The following FAT2 variants were observed in gnomAD, a reference collection of about 807,000 sequenced individuals.
FAT2 encodes protocadherin Fat 2.
FAT2 carries 150 observed loss-of-function variants against 295.3 expected under a neutral mutation model. That is an observed-to-expected ratio of 0.51 (90% CI 0.44 to 0.58). FAT2 has a LOEUF of 0.58. Among genes scored for constraint, FAT2 ranks in the 20% least tolerant of loss-of-function variants. The probability of loss-of-function intolerance (pLI) is 0.00; values close to 1 mark genes in which losing one functional copy is unlikely to be tolerated. For missense variants in FAT2, 4,868 were observed against 5,442.7 expected (o/e 0.89, Z 3.32); for synonymous variants, 2,026 against 2,150.3 (o/e 0.94, Z 1.60).
At chr5:151,525,256 C>T (rs1198225031) in intron 18 of FAT2, among the ~76,000 whole-genome samples, 1 of 152,222 alleles carries the variant, frequency 6.6e-6, no homozygotes, top group Non-Finnish European at 1.5e-5. Flanking sequence ...ATCTTGGCCA[C>T]TGTTCTTTAG....
At chr5:151,551,829 AATTG>A (rs1355522106) in intron 6 of FAT2, among the ~76,000 whole-genome samples, 2 of 152,230 alleles carry the variant, frequency 1.3e-5, no homozygotes, top group Non-Finnish European at 2.9e-5. Flanking sequence ...TAATAAATCA[AATTG>A]ATTAATAAAC....
intron 3 of FAT2, among the ~76,000 whole-genome samples, chr5:151,557,484 T>C (rs1757800774): frequency 6.6e-6 from 1 of 151,998 alleles, no homozygotes; most frequent in Non-Finnish European, 1.5e-5. Flanking sequence ...GCAAGAGCTC[T>C]AGAAAGAGAC....
intron 1 of FAT2, among the ~76,000 whole-genome samples, chr5:151,572,187 C>T (rs1758560400): frequency 6.6e-6 from 1 of 152,142 alleles, no homozygotes; most frequent in African/African-American, 2.4e-5. Context: ...TCTTCTTGGA[C>T]TCCATGAAGA....
At chr5:151,520,780 CTT>C (rs1466952763) in intron 19 of FAT2, among the ~76,000 whole-genome samples, 3 of 152,188 alleles carry the variant, frequency 2.0e-5, no homozygotes, top group East Asian at 1.9e-4. Context: ...GAGTCTAAGC[CTT>C]GAGCTTATAA....
rs200006738 is a variant in FAT2 at position 151,531,776 on chromosome 5, C to T, written c.9622G>A (p.Val3208Met). The T allele has an allele frequency of 2.5e-6, 4 of 1,612,584 alleles. No individual in the cohort carries two copies. Among genetic ancestry groups the T allele is most frequent in the Middle Eastern group, 1.7e-4 (1 of 6,060 alleles). The stretch of plus-strand genomic sequence containing the variant: ...GGCAGGTAGTCTTCTAGGCCCACCA[C>T]CGAGACTGTGACGGTGCCCAGCGTG... ...LSTLGTVTVS[V>M]VGLEDYLPVF... is the part of the protein sequence containing the mutation. Residue 3208 changes from valine (V) to methionine (M), a missense_variant, in exon 14 of 24, where the codon GTG (valine) becomes ATG (methionine). Physicochemically the swap from Val to Met is conservative, Grantham distance 21. Transcript: ENST00000261800. The surrounding 1 kb of genome is among the most constrained non-coding windows in gnomAD (Gnocchi z 5.7).
chr5:151,568,995 A>G (rs1758417433), intron 1 of FAT2, 44 bp from the exon 2 acceptor site: 3 of 1,514,156 alleles, frequency 2.0e-6, no homozygotes, highest in Admixed American at 2.2e-5. Flanking sequence ...GGGGGAAAAA[A>G]TGGTTTCTAC....
rs765995818 is a variant in FAT2, at chr5:151,534,575, C to T, written c.9261G>A (p.Ala3087=). Residue 3087 remains alanine (A), a synonymous_variant, in exon 13 of 24, where the codon GCG becomes GCA. Coordinates refer to ENST00000261800, the MANE Select transcript of FAT2 (RefSeq NM_001447.3). Reference sequence around the variant, plus strand: ...GGCACGATCGGCCACCTCCATCCGTCGCCTTGGCAACAAGGTTGAACACAT... The same window carrying T: ...GGCACGATCGGCCACCTCCATCCGTTGCCTTGGCAACAAGGTTGAACACAT... ...RKDVFNLVAK[A]TDGGGRSCQA... 1.2e-5 allele frequency: 19 copies of T among 1,613,990 alleles called. No individual in the cohort carries two copies. Among genetic ancestry groups the T allele is most frequent in the Middle Eastern group, 3.3e-4 (2 of 6,084 alleles).
chr5:151,557,079 G>A (rs370014998), intron 3 of FAT2, among the ~76,000 whole-genome samples: 9 of 152,304 alleles, frequency 5.9e-5, no homozygotes, highest in African/African-American at 1.7e-4. Flanking sequence ...GCAGCCTCCC[G>A]TCAGGATGGT....
chr5:151,557,680 AAAGT>A (rs1757820013), intron 3 of FAT2, among the ~76,000 whole-genome samples: 1 of 152,232 alleles, frequency 6.6e-6, no homozygotes, highest in Admixed American at 6.5e-5. Flanking sequence ...AATTTTCTGT[AAAGT>A]AAGAAAACAA....
chr5:151,558,475 T>C (rs1459374040), intron 3 of FAT2, among the ~76,000 whole-genome samples: 1 of 151,966 alleles, frequency 6.6e-6, no homozygotes, highest in Non-Finnish European at 1.5e-5. Context: ...AAAAATTAGC[T>C]GGATGTTGTG....
rs569664435 is a variant in FAT2, at chr5:151,512,520, G to A, written c.11550C>T (p.His3850=). The A allele has an allele frequency of 1.8e-4, 298 of 1,614,170 alleles. 1 individual carries two copies. The highest frequency in any genetic ancestry group is 2.2e-4 in the Non-Finnish European group (264 of 1,180,020). ...NLSSQRHVND[H]EWHSILVEEM... ...CCTCCACCAGGATGGAGTGCCACTC[G>A]TGGTCATTCACATGGCGCTGGGAGG... The change falls in exon 21 of 24, where the codon CAC becomes CAT. Residue 3850 remains histidine, a synonymous_variant. Transcript: ENST00000261800. This position sits in a 1 kb window ranked among gnomAD's most constrained non-coding sequence, Gnocchi z 4.1.
intron 22 of FAT2, chr5:151,509,697 G>T: frequency 4.2e-6 from 1 of 239,198 alleles, no homozygotes; most frequent in Non-Finnish European, 8.2e-6. Flanking sequence ...CTGATTCTAC[G>T]TTATGGTGAG....
chr5:151,512,276 C>T lies in FAT2; in HGVS notation c.11794G>A (p.Val3932Met). ...ALDLLAPGKT[V>M]AGLLETQALT... is the part of the protein sequence containing the mutation. ...GCTTGTGTCTCCAGCAAGCCTGCCACCGTCTTGCCAGGGGCCAGCAGATCT... is the reference window on the plus strand; with the variant it reads ...GCTTGTGTCTCCAGCAAGCCTGCCATCGTCTTGCCAGGGGCCAGCAGATCT... Residue 3932 changes from valine (V) to methionine (M), a missense_variant, in exon 21 of 24, where the codon GTG (valine) becomes ATG (methionine). Physicochemically the swap from Val to Met is conservative, Grantham distance 21 (BLOSUM62 1). Around this residue, in one of 5 missense-constraint regions of FAT2, gnomAD observed 1,046 missense variants for 1,210.1 expected, o/e 0.86. Transcript: ENST00000261800. This position sits in a 1 kb window ranked among gnomAD's most constrained non-coding sequence, Gnocchi z 4.1. 1.2e-6 allele frequency: 2 copies of T among 1,614,232 alleles called. No homozygotes were observed.
rs772411485 is a variant in FAT2 at position 151,567,606 on chromosome 5, G to A, written c.1326C>T (p.Thr442=). 69 of 1,614,058 alleles carry A rather than the reference G, an allele frequency of 4.3e-5. No individual in the cohort carries two copies. Among genetic ancestry groups the A allele is most frequent in the Non-Finnish European group, 5.4e-5 (64 of 1,180,040 alleles). ...AGTCCACAATGTCAATGACCACCAC[G>A]GTGGAGGCCTGGCCCGGTGAGGTTC... ...HIRTSPGQAS[T]VVVIDIVDCN... The change falls in exon 2 of 24, where the codon ACC becomes ACT. Residue 442 remains threonine, a synonymous_variant. Coordinates refer to ENST00000261800, the MANE Select transcript of FAT2 (RefSeq NM_001447.3).
chr5:151,571,115 G>T (rs1758503895), intron 1 of FAT2, among the ~76,000 whole-genome samples: 1 of 152,100 alleles, frequency 6.6e-6, no homozygotes, highest in Non-Finnish European at 1.5e-5. Context: ...GGCAGAAAGA[G>T]CTGCTGTACG....
intron 2 of FAT2, among the ~76,000 whole-genome samples, chr5:151,565,205 CTT>C (rs1434037546): frequency 6.6e-6 from 1 of 151,900 alleles, no homozygotes; most frequent in Non-Finnish European, 1.5e-5. Context: ...AATAAAATGT[CTT>C]GATATTATAT....
At chr5:151,571,093 C>G (rs1758502357) in intron 1 of FAT2, among the ~76,000 whole-genome samples, 1 of 152,092 alleles carries the variant, frequency 6.6e-6, no homozygotes, top group South Asian at 2.1e-4. Context: ...CATTCGAGGT[C>G]TGAAAGTTAG....
rs1479808280 is a variant in FAT2, at chr5:151,551,596, C to T, written c.4167G>A (p.Lys1389=). Residue 1389 remains lysine, a synonymous_variant, in exon 7 of 24, where the codon AAG becomes AAA. Coordinates refer to ENST00000261800, the MANE Select transcript of FAT2 (RefSeq NM_001447.3). ...TCTTCTCAATGTCAAAGTCCATGTCCTTATCCCCACCTAGAGTGGGAGTGG... is the reference window on the plus strand; with the variant it reads ...TCTTCTCAATGTCAAAGTCCATGTCTTTATCCCCACCTAGAGTGGGAGTGG... ...LFWFNISGGD[K]DMDFDIEKTT... 2 of 1,614,174 alleles carry T rather than the reference C, an allele frequency of 1.2e-6. No homozygotes were observed. Among genetic ancestry groups the T allele is most frequent in the Admixed American group, 1.7e-5 (1 of 60,024 alleles).
Position 151,529,319 on chromosome 5 carries a change from C to A in FAT2, c.9885G>T (p.Arg3295=). 6.2e-7 allele frequency: 1 copy of A among 1,614,024 alleles called. No homozygotes were observed. The highest frequency in any genetic ancestry group is 8.5e-7 in the Non-Finnish European group (1 of 1,179,950). ...CGTCACTGAGGGAAGAGGAGCTCTT[C>A]CGGCTGCACTCAATGGACAGGAAGT... ...PKYFLSIECS[R]KSSSSLSDVT... The change falls in exon 15 of 24, where the codon CGG becomes CGT. Residue 3295 remains arginine (R), a synonymous_variant. Transcript: ENST00000261800.
Sources: gnomAD v4.1 joint callset for allele counts (sites outside exome capture counted in the v4.1 genomes callset) on GRCh38, gnomAD v4.1.1 for gene constraint, gnomAD v4.1.1 regional missense constraint, Gnocchi (gnomAD v3.1) non-coding constraint, MANE v1.5 for transcripts, NCBI Gene and HGNC (gene_info 2026-07-23, HGNC 2026-07-21) for gene names.